Variants in NUDCD3 observed in about 807,000 individuals in gnomAD.
NUDCD3 encodes the protein nudC domain-containing protein 3.
In NUDCD3, 13 loss-of-function variants were observed where a neutral mutation model predicts 39.7. That is an observed-to-expected ratio of 0.33 (90% CI 0.21 to 0.52). The LOEUF (loss-of-function observed/expected upper bound fraction) is 0.52, where lower values mean the gene tolerates loss of function less well. NUDCD3 is among the 20% of genes least tolerant of loss of function. The probability of loss-of-function intolerance (pLI) is 0.96; values close to 1 mark genes in which losing one functional copy is unlikely to be tolerated. For missense variants in NUDCD3, 453 were observed against 458.1 expected, an observed-to-expected ratio of 0.99 and a Z score of 0.10; for synonymous variants, 175 against 172.4, an observed-to-expected ratio of 1.02 and a Z score of -0.12.
chr7:44,423,846 A>G (rs1799186682), intron 3 of NUDCD3, among the ~76,000 whole-genome samples: 1 of 152,222 alleles, frequency 6.6e-6, no homozygotes, highest in African/African-American at 2.4e-5. Flanking sequence ...GACAATCCTA[A>G]GCAAAAAGAA....
chr7:44,417,095 C>G (rs1563170493), intron 3 of NUDCD3, among the ~76,000 whole-genome samples: 1 of 152,210 alleles, frequency 6.6e-6, no homozygotes, highest in South Asian at 2.1e-4. Flanking sequence ...AAGCTCCAAA[C>G]CAGCAATCTT....
At chr7:44,440,496 G>GAAAAAAA (rs72065068) in intron 2 of NUDCD3, among the ~76,000 whole-genome samples, 2,827 of 48,316 alleles carry the variant, frequency 0.059, 181 homozygotes, top group Middle Eastern at 0.091. Flanking sequence ...CAGAAAAATT[G>GAAAAAAA]AAAAAAAAAA....
chr7:44,455,294 C>T lies in NUDCD3; in HGVS notation c.510-27591G>A, dbSNP rs565392424. Among the ~76,000 whole-genome samples the T allele has an allele frequency of 1.1e-4, 16 of 152,192 alleles. No individual in the cohort carries two copies. The South Asian group carries it at 1.7e-3, about 16-fold the overall frequency. ...GTGCATAAAGAGCAACAATACTTGGCGTGTGTATGGCACTGCACGGGGTCC... is the reference window on the plus strand; with the variant it reads ...GTGCATAAAGAGCAACAATACTTGGTGTGTGTATGGCACTGCACGGGGTCC... On this transcript the variant is annotated intron_variant, in intron 2 of 5. Transcript: ENST00000355451.
intron 2 of NUDCD3, among the ~76,000 whole-genome samples, chr7:44,446,970 G>C (rs1799700711): frequency 1.3e-5 from 2 of 152,162 alleles, no homozygotes; most frequent in South Asian, 4.1e-4. Flanking sequence ...AAGTTTTTTG[G>C]TAAGTACAGC....
chr7:44,485,457 C>T (rs1800586887), intron 1 of NUDCD3, 173 bp from the exon 2 acceptor site: 1 of 571,580 alleles, frequency 1.7e-6, no homozygotes, highest in Non-Finnish European at 3.1e-6. Flanking sequence ...GACAGGTAAA[C>T]AGTGTTTAAC....
intron 5 of NUDCD3, among the ~76,000 whole-genome samples, chr7:44,388,538 C>A (rs1201735719): frequency 6.6e-6 from 1 of 152,242 alleles, no homozygotes; most frequent in Non-Finnish European, 1.5e-5. Context: ...GTGTTGCAAG[C>A]CTCCATATGC....
rs140444441 is a variant in NUDCD3, at chr7:44,476,945, G to T, written c.509+8023C>A. On this transcript the variant is annotated intron_variant, in intron 2 of 5. Coordinates refer to ENST00000355451, the MANE Select transcript of NUDCD3 (RefSeq NM_015332.4). ...CATACCTACGGAGACCAAGTCAGGA[G>T]GGAGCAGCCTGATGATGATGATGAA... 5.7e-3 allele frequency among the ~76,000 whole-genome samples: 866 copies of T among 152,290 alleles called. 5 individuals are homozygous for T. The highest frequency in any genetic ancestry group is 0.02 in the African/African-American group (824 of 41,556).
chr7:44,464,298 C>G (rs1011675750), intron 2 of NUDCD3, among the ~76,000 whole-genome samples: 1 of 151,736 alleles, frequency 6.6e-6, no homozygotes, highest in East Asian at 1.9e-4. Context: ...CTCAAAGTGA[C>G]AGCAGGCCAA....
At chr7:44,456,016 A>T (rs1195110540) in intron 2 of NUDCD3, among the ~76,000 whole-genome samples, 6 of 107,986 alleles carry the variant, frequency 5.6e-5, no homozygotes, top group African/African-American at 7.5e-5. Context: ...ACAGAGCGAG[A>T]CTCCGTCTCA....
rs367775182 is a variant in NUDCD3, at chr7:44,467,906, C to T, written c.509+17062G>A. The T allele has an allele frequency of 4.6e-5, 74 of 1,605,652 alleles. No individual in the cohort carries two copies. In the East Asian group the frequency reaches 1.2e-3, roughly 26 times the overall value. On this transcript the variant is annotated intron_variant, in intron 2 of 5. Transcript: ENST00000355451. ...TCTCCTCCTCGGCATCATGGCCGCC[C>T]TCAGACCCCTTGTGAAGCCCAAGAT...
chr7:44,482,502 G>C (rs1206473597), intron 2 of NUDCD3, among the ~76,000 whole-genome samples: 1 of 152,180 alleles, frequency 6.6e-6, no homozygotes, highest in Non-Finnish European at 1.5e-5. Context: ...AAGATCATTT[G>C]GGACCAGGAG....
At chr7:44,427,821 C>G (rs1343108948) in intron 2 of NUDCD3, 118 bp from the exon 3 acceptor site, 1 of 1,033,258 alleles carries the variant, frequency 9.7e-7, no homozygotes, top group African/African-American at 1.6e-5. Context: ...AGTTTCATCT[C>G]AAGTTCACTG....
At chr7:44,396,484 G>GT (rs1798626844) in intron 4 of NUDCD3, among the ~76,000 whole-genome samples, 2 of 152,074 alleles carry the variant, frequency 1.3e-5, no homozygotes, top group Non-Finnish European at 2.9e-5. Context: ...TTCTAACATC[G>GT]TTATTGACTT....
At chr7:44,442,693 C>CTTTTTTTTTTTTTTTTTTTTTTT (rs869244799) in intron 2 of NUDCD3, among the ~76,000 whole-genome samples, 1 of 124,354 alleles carries the variant, frequency 8.0e-6, no homozygotes, top group African/African-American at 2.9e-5. Flanking sequence ...CTCCCCTTTT[C>CTTTTTTTTTTTTTTTTTTTTTTT]TTTTTTTTTT....
intron 2 of NUDCD3, among the ~76,000 whole-genome samples, chr7:44,458,539 T>C (rs1263697503): frequency 6.6e-6 from 1 of 151,776 alleles, no homozygotes; most frequent in Non-Finnish European, 1.5e-5. Flanking sequence ...ATGCCTGTAA[T>C]TCCAGCTACT....
intron 3 of NUDCD3, among the ~76,000 whole-genome samples, chr7:44,422,953 C>T (rs954415590): frequency 1.6e-4 from 24 of 152,170 alleles, no homozygotes; most frequent in African/African-American, 4.6e-4. Context: ...ACGATCAAGT[C>T]GGCTTCATCC....
At chr7:44,430,731 G>A (rs1014684456) in intron 2 of NUDCD3, among the ~76,000 whole-genome samples, 3 of 152,118 alleles carry the variant, frequency 2.0e-5, no homozygotes, top group Non-Finnish European at 2.9e-5. Context: ...GGATATCCTT[G>A]GGGACGCTGC....
At chr7:44,478,549 G>A (rs746184820) in intron 2 of NUDCD3, among the ~76,000 whole-genome samples, 12 of 152,186 alleles carry the variant, frequency 7.9e-5, no homozygotes, top group South Asian at 2.1e-4. Context: ...GCAAAACTCC[G>A]TCTAAAAAAA....
chr7:44,397,987 G>A (rs573376692), intron 4 of NUDCD3, among the ~76,000 whole-genome samples: 3 of 152,126 alleles, frequency 2.0e-5, no homozygotes, highest in Non-Finnish European at 4.4e-5. Context: ...ACACACATGT[G>A]TTCCACCTGC....
Sources: allele counts gnomAD v4.1 joint callset (sites outside exome capture counted in the v4.1 genomes callset), GRCh38; gene constraint gnomAD v4.1.1; transcripts MANE v1.5; gene names NCBI Gene and HGNC (gene_info 2026-07-23, HGNC 2026-07-21).